GPC5: variants seen among roughly 807,000 people sequenced by gnomAD.
The protein encoded by GPC5 is glypican-5.
In GPC5, 47 loss-of-function variants were observed where a neutral mutation model predicts 53.9. That is an observed-to-expected ratio of 0.87 (90% CI 0.69 to 1.11). The LOEUF is 1.11. GPC5 is among the 50% of genes most tolerant of loss of function. The pLI is 0.00. For synonymous variants in GPC5, 286 were observed against 263.3 expected (o/e 1.09, Z -0.84); for missense variants, 748 against 713.1 (o/e 1.05, Z -0.56).
chr13:91,777,398 T>C (rs2037727682), intron 5 of GPC5, among the ~76,000 whole-genome samples: 1 of 152,246 alleles, frequency 6.6e-6, no homozygotes, highest in Admixed American at 6.5e-5. Flanking sequence ...AAGCAAAATG[T>C]AGTTAACTCC....
At chr13:91,971,283 G>A (rs546849146) in intron 6 of GPC5, among the ~76,000 whole-genome samples, 13 of 152,108 alleles carry the variant, frequency 8.5e-5, no homozygotes, top group Admixed American at 3.9e-4. Flanking sequence ...TCTGATGGTC[G>A]TTTGTATTTC....
chr13:92,852,607 G>T (rs892910843), intron 7 of GPC5, among the ~76,000 whole-genome samples: 4 of 152,074 alleles, frequency 2.6e-5, no homozygotes, highest in Admixed American at 2.0e-4. Context: ...ATCTCACTCT[G>T]TTGCCCAGGC....
chr13:91,565,998 T>A lies in GPC5; in HGVS notation c.325+117076T>A, dbSNP rs920974099. 2.6e-5 allele frequency among the ~76,000 whole-genome samples: 4 copies of A among 152,272 alleles called. No homozygotes were observed. The South Asian group carries it at 6.2e-4, about 24-fold the overall frequency. Reference sequence around the variant, plus strand: ...ATTGCCGTTTCCTTTGTGTTTGTCTTTTCTTTTAATTATAAGGACACTTGT... The same window carrying A: ...ATTGCCGTTTCCTTTGTGTTTGTCTATTCTTTTAATTATAAGGACACTTGT... On this transcript the variant is annotated intron_variant, in intron 2 of 7. Transcript: ENST00000377067.
chr13:91,437,433 T>C (rs1163157994), intron 1 of GPC5, among the ~76,000 whole-genome samples: 1 of 152,212 alleles, frequency 6.6e-6, no homozygotes, highest in Non-Finnish European at 1.5e-5. Flanking sequence ...ATTTTATTTC[T>C]CCTCATTTAT....
chr13:91,951,641 C>T (rs1481704869), intron 6 of GPC5, among the ~76,000 whole-genome samples: 1 of 152,062 alleles, frequency 6.6e-6, no homozygotes, highest in Non-Finnish European at 1.5e-5. Context: ...AGTTTTCTGC[C>T]TACTGGTCAC....
chr13:92,378,444 CT>C (rs2043712287), intron 7 of GPC5, among the ~76,000 whole-genome samples: 1 of 152,108 alleles, frequency 6.6e-6, no homozygotes, highest in African/African-American at 2.4e-5. Flanking sequence ...AACAAATACA[CT>C]TTTTAAACAA....
chr13:92,355,051 CATA>C lies in GPC5; in HGVS notation c.1561+210066_1561+210068del, dbSNP rs778844893. On this transcript the variant is annotated intron_variant, in intron 7 of 7. Coordinates refer to ENST00000377067, the MANE Select transcript of GPC5 (RefSeq NM_004466.6). ...ATAATCTGCATAATATGCAGATTAG[CATA>C]ATATTTAATTATGCAGATTAGCTCT... Among the ~76,000 whole-genome samples, 295 of 151,136 alleles carry C rather than the reference CATA, an allele frequency of 2.0e-3. 1 individual carries two copies. The highest frequency in any genetic ancestry group is 3.6e-3 in the Admixed American group (54 of 15,166).
intron 7 of GPC5, among the ~76,000 whole-genome samples, chr13:92,310,446 A>C (rs1053115416): frequency 2.0e-5 from 3 of 152,168 alleles, no homozygotes; most frequent in Admixed American, 6.5e-5. Flanking sequence ...ATAGACATCT[A>C]CTTTTGCCAA....
chr13:92,561,423 C>T (rs1882690070), intron 7 of GPC5, among the ~76,000 whole-genome samples: 1 of 151,992 alleles, frequency 6.6e-6, no homozygotes, highest in South Asian at 2.1e-4. Context: ...CACTTAAATG[C>T]TCAATGCCTT....
intron 1 of GPC5, among the ~76,000 whole-genome samples, chr13:91,409,834 A>G (rs548935397): frequency 6.6e-6 from 1 of 152,262 alleles, no homozygotes; most frequent in East Asian, 1.9e-4. Context: ...TTCCCAACAG[A>G]TGGTTGGTCA....
chr13:91,764,307 T>C (rs991833887), intron 5 of GPC5, among the ~76,000 whole-genome samples: 10 of 152,230 alleles, frequency 6.6e-5, no homozygotes, highest in African/African-American at 2.4e-4. Context: ...GCGTGGTATA[T>C]CATCTTCTGA....
intron 6 of GPC5, among the ~76,000 whole-genome samples, chr13:91,989,381 G>C (rs1016120758): frequency 2.6e-5 from 4 of 152,176 alleles, no homozygotes; most frequent in African/African-American, 9.7e-5. Flanking sequence ...ATACTGCAAT[G>C]TTGTAATCAA....
At chr13:92,161,823 T>C (rs2041989828) in intron 7 of GPC5, among the ~76,000 whole-genome samples, 1 of 151,408 alleles carries the variant, frequency 6.6e-6, no homozygotes, top group South Asian at 2.1e-4. Flanking sequence ...GATACATTAA[T>C]ACAATAGGTA....
In GPC5 at chr13:92,069,033, A is replaced by G. The variant is rs2041189117; in HGVS notation, c.1402-75797A>G. ...AGATCTTACATTTAGGTTTTCATCA[A>G]CTTTGTGTGTAACATAAGGTCAGAA... On this transcript the variant is annotated intron_variant, in intron 6 of 7. Coordinates refer to ENST00000377067, the MANE Select transcript of GPC5 (RefSeq NM_004466.6). Among the ~76,000 whole-genome samples the G allele has an allele frequency of 2.0e-5, 3 of 151,962 alleles. No individual in the cohort carries two copies. In the South Asian group the frequency reaches 6.2e-4, roughly 31 times the overall value.
chr13:91,683,853 C>G (rs1046673967), intron 2 of GPC5, among the ~76,000 whole-genome samples: 2 of 152,172 alleles, frequency 1.3e-5, no homozygotes, highest in African/African-American at 4.8e-5. Context: ...TCATAGCCCC[C>G]TCCAGTGCCT....
At chr13:92,247,149 T>C (rs1183348247) in intron 7 of GPC5, among the ~76,000 whole-genome samples, 6 of 152,096 alleles carry the variant, frequency 3.9e-5, no homozygotes, top group Admixed American at 6.6e-5. Context: ...TGCCCTAAAA[T>C]CTAATAATTC....
intron 2 of GPC5, among the ~76,000 whole-genome samples, chr13:91,651,268 C>G (rs1387208626): frequency 6.6e-6 from 1 of 152,046 alleles, no homozygotes; most frequent in Non-Finnish European, 1.5e-5. Context: ...GAGGTCTACT[C>G]ACATTCTGAA....
chr13:91,849,787 G>T (rs2138888377), intron 5 of GPC5, among the ~76,000 whole-genome samples: 1 of 152,290 alleles, frequency 6.6e-6, no homozygotes, highest in East Asian at 1.9e-4. Flanking sequence ...ACATTATGAT[G>T]CATGTATCAG....
At chr13:92,336,314 AT>A (rs1566544317) in intron 7 of GPC5, among the ~76,000 whole-genome samples, 1 of 152,174 alleles carries the variant, frequency 6.6e-6, no homozygotes, top group East Asian at 1.9e-4. Context: ...GTAGCTGATA[AT>A]TTTTTTGGCT....
Sources: allele counts gnomAD v4.1 joint callset (sites outside exome capture counted in the v4.1 genomes callset), GRCh38; gene constraint gnomAD v4.1.1; transcripts MANE v1.5; gene names NCBI Gene and HGNC (gene_info 2026-07-23, HGNC 2026-07-21).